RTN4RL1: variants seen among roughly 807,000 people sequenced by gnomAD.
RTN4RL1 encodes the protein reticulon-4 receptor-like 1.
In RTN4RL1, 7 loss-of-function variants were observed where a neutral mutation model predicts 25.6. The ratio of observed to expected loss-of-function variants is 0.27; its 90% CI spans 0.16 to 0.51. The LOEUF (loss-of-function observed/expected upper bound fraction) is 0.51, where lower values mean the gene tolerates loss of function less well. Ranked by LOEUF, RTN4RL1 falls within the 20% of genes least tolerant of loss-of-function variation. The pLI, the probability that RTN4RL1 is intolerant of heterozygous loss-of-function variation, is 0.97. For missense variants in RTN4RL1, 500 were observed against 615.6 expected, an observed-to-expected ratio of 0.81 and a Z score of 1.99; for synonymous variants, 297 against 288.2, an observed-to-expected ratio of 1.03 and a Z score of -0.31.
chr17:1,985,035 C>T (rs536018806), intron 1 of RTN4RL1, among the ~76,000 whole-genome samples: 9 of 152,156 alleles, frequency 5.9e-5, no homozygotes, highest in Non-Finnish European at 1.2e-4. Flanking sequence ...CCGTTATATG[C>T]GACAAGCATT....
At chr17:2,014,736 G>A (rs111421006) in intron 1 of RTN4RL1, among the ~76,000 whole-genome samples, 3,504 of 152,176 alleles carry the variant, frequency 0.023, 122 homozygotes, top group African/African-American at 0.079. Flanking sequence ...GGAGGCTGAG[G>A]CAGGAGAATC....
intron 1 of RTN4RL1, among the ~76,000 whole-genome samples, chr17:1,942,430 C>T (rs1276237688): frequency 6.6e-6 from 1 of 152,074 alleles, no homozygotes; most frequent in East Asian, 1.9e-4. Flanking sequence ...GATGGGGGCT[C>T]CCAAGAGCAG....
intron 1 of RTN4RL1, among the ~76,000 whole-genome samples, chr17:1,972,133 T>C (rs1007829929): frequency 6.8e-6 from 1 of 147,970 alleles, no homozygotes; most frequent in Admixed American, 6.8e-5. Context: ...CAAGATGCTG[T>C]CTCAAAAAAT....
intron 1 of RTN4RL1, among the ~76,000 whole-genome samples, chr17:1,964,355 A>C (rs1166033761): frequency 1.3e-5 from 2 of 152,190 alleles, no homozygotes; most frequent in South Asian, 4.2e-4. Context: ...TGAGAGGCTG[A>C]AGTGGGAGGG....
At chr17:1,995,318 C>G (rs774486405) in intron 1 of RTN4RL1, among the ~76,000 whole-genome samples, 17 of 151,530 alleles carry the variant, frequency 1.1e-4, no homozygotes, top group Non-Finnish European at 2.1e-4. Flanking sequence ...CCCAGCTACT[C>G]GGGAAGCTGA....
Position 1,937,120 on chromosome 17 carries a change from C to G in RTN4RL1, c.702G>C (p.Ser234=), listed in dbSNP as rs775258704. 3.7e-6 allele frequency: 6 copies of G among 1,609,796 alleles called. No homozygotes were observed. The South Asian group carries it at 5.5e-5, about 15-fold the overall frequency. ...TTLFLFNNSL[S]ELQGECLAPL... ...GGGCCAGGCACTCACCCTGCAGCTCCGAGAGGCTGTTGTTGAAGAGGAAGA... is the reference window on the plus strand; with the variant it reads ...GGGCCAGGCACTCACCCTGCAGCTCGGAGAGGCTGTTGTTGAAGAGGAAGA... Residue 234 remains serine (S), a synonymous_variant, in exon 2 of 2, where the codon TCG becomes TCC. Transcript: ENST00000331238.
At chr17:1,986,719 TA>T (rs1460446811) in intron 1 of RTN4RL1, among the ~76,000 whole-genome samples, 1 of 150,700 alleles carries the variant, frequency 6.6e-6, no homozygotes, top group Non-Finnish European at 1.5e-5. Flanking sequence ...TCTCTGGTTT[TA>T]AACTAACGAG....
At chr17:1,953,757 G>A (rs1033588299) in intron 1 of RTN4RL1, among the ~76,000 whole-genome samples, 6 of 152,132 alleles carry the variant, frequency 3.9e-5, no homozygotes, top group Admixed American at 2.0e-4. Context: ...TAGAGGCGGG[G>A]TTTCACCATG....
intron 1 of RTN4RL1, among the ~76,000 whole-genome samples, chr17:1,938,249 A>C (rs1915356701): frequency 6.6e-6 from 1 of 152,130 alleles, no homozygotes; most frequent in Non-Finnish European, 1.5e-5. Context: ...TAATGTAGTA[A>C]ATATCTCATG....
At chr17:2,010,298 A>C (rs1372873464) in intron 1 of RTN4RL1, among the ~76,000 whole-genome samples, 1 of 133,560 alleles carries the variant, frequency 7.5e-6, no homozygotes, top group African/African-American at 2.6e-5. Flanking sequence ...CTCTTCTAAA[A>C]ATAAAAAAAT....
Position 1,947,087 on chromosome 17 carries a change from GTC to G in RTN4RL1, c.14-9281_14-9280del, listed in dbSNP as rs1412057206. ...CTGTGTGTGCACGGGGTCTGTGCGT[GTC>G]TCTGTGTCAATGTGTGTGTGCGCAC... On this transcript the variant is annotated intron_variant, in intron 1 of 1. Transcript: ENST00000331238. Among the ~76,000 whole-genome samples, 7 of 144,724 alleles carry G rather than the reference GTC, an allele frequency of 4.8e-5. No homozygotes were observed. In the East Asian group the frequency reaches 1.2e-3, roughly 26 times the overall value. 94.9% of individuals were successfully genotyped at this position (144,724 alleles called of 152,430 possible).
At chr17:2,020,379 G>A (rs1399020550) in intron 1 of RTN4RL1, 5 of 152,210 alleles carry the variant, frequency 3.3e-5, no homozygotes, top group Non-Finnish European at 5.9e-5. Flanking sequence ...TGCCCCCAGA[G>A]AGAGGCAGAG....
At chr17:2,005,218 G>A (rs1318301985) in intron 1 of RTN4RL1, among the ~76,000 whole-genome samples, 1 of 151,832 alleles carries the variant, frequency 6.6e-6, no homozygotes, top group African/African-American at 2.4e-5. Flanking sequence ...TGTTGTCCAC[G>A]CTGTTCTCAA....
chr17:1,956,845 G>GA (rs1368888662), intron 1 of RTN4RL1, among the ~76,000 whole-genome samples: 1 of 151,150 alleles, frequency 6.6e-6, no homozygotes, highest in Non-Finnish European at 1.5e-5. Flanking sequence ...CGGTTCAAGT[G>GA]ATTCTCCTTC....
chr17:1,996,441 C>A (rs1052074413), intron 1 of RTN4RL1, among the ~76,000 whole-genome samples: 1 of 150,764 alleles, frequency 6.6e-6, no homozygotes, highest in Non-Finnish European at 1.5e-5. Flanking sequence ...TGCCCTCCCC[C>A]TGAGAAGCGG....
chr17:1,980,308 T>A (rs1015992713), intron 1 of RTN4RL1, among the ~76,000 whole-genome samples: 1 of 150,828 alleles, frequency 6.6e-6, no homozygotes, highest in African/African-American at 2.4e-5. Context: ...TGGGCTCAAG[T>A]GATCTGCCTG....
intron 1 of RTN4RL1, among the ~76,000 whole-genome samples, chr17:1,987,002 C>T (rs564714940): frequency 1.3e-5 from 2 of 152,246 alleles, no homozygotes; most frequent in Non-Finnish European, 1.5e-5. Flanking sequence ...TGGGTGCCTT[C>T]GGGGCTGCCG....
At chr17:1,992,886 T>C (rs1028645744) in intron 1 of RTN4RL1, among the ~76,000 whole-genome samples, 1 of 152,172 alleles carries the variant, frequency 6.6e-6, no homozygotes, top group African/African-American at 2.4e-5. Context: ...CACATGACTC[T>C]CTTATGACCT....
intron 1 of RTN4RL1, among the ~76,000 whole-genome samples, chr17:2,006,878 C>G (rs1320317474): frequency 1.3e-5 from 2 of 152,200 alleles, no homozygotes; most frequent in Non-Finnish European, 2.9e-5. Flanking sequence ...CTGCCTCAGC[C>G]TCCCAAAGTC....
Sources: allele counts gnomAD v4.1 joint callset (sites outside exome capture counted in the v4.1 genomes callset), GRCh38; gene constraint gnomAD v4.1.1; transcripts MANE v1.5; gene names NCBI Gene and HGNC (gene_info 2026-07-23, HGNC 2026-07-21).